ZNF292: variants seen among roughly 807,000 people sequenced by gnomAD.
ZNF292 encodes zinc finger protein 292.
A neutral mutation model predicts 217.9 loss-of-function variants in ZNF292; 26 were observed. The observed-to-expected ratio is 0.12, with a 90% confidence interval of 0.09 to 0.17. The LOEUF (loss-of-function observed/expected upper bound fraction) is 0.17, where lower values mean the gene tolerates loss of function less well. ZNF292 is among the 10% of genes least tolerant of loss of function. The pLI, the probability that ZNF292 is intolerant of heterozygous loss-of-function variation, is 1.00. For missense variants in ZNF292, 2,904 were observed against 3,175.2 expected, an observed-to-expected ratio of 0.91 and a Z score of 2.05; for synonymous variants, 1,257 against 1,124.1, an observed-to-expected ratio of 1.12 and a Z score of -2.37.
At position 87,257,377 on chromosome 6, in the gene ZNF292, G is replaced by C; in HGVS notation, c.3748G>C (p.Val1250Leu). Residue 1250 changes from valine (V) to leucine (L), a missense_variant, in exon 8 of 8, where the codon GTT (valine) becomes CTT (leucine). Coordinates refer to ENST00000369577, the MANE Select transcript of ZNF292 (RefSeq NM_015021.3). ...PAQMEDLTKT[V>L]LPLNIDSGSD... is the part of the protein sequence containing the mutation. ...ACAAATGGAAGATCTAACCAAAACA[G>C]TTCTGCCTTTGAATATTGACAGTGG... 6.2e-7 allele frequency: 1 copy of C among 1,613,632 alleles called. No homozygotes were observed. The highest frequency in any genetic ancestry group is 8.5e-7 in the Non-Finnish European group (1 of 1,179,762).
intron 4 of ZNF292, among the ~76,000 whole-genome samples, chr6:87,231,076 T>C (rs1275159406): frequency 1.3e-5 from 2 of 152,112 alleles, no homozygotes; most frequent in Non-Finnish European, 2.9e-5. Flanking sequence ...TGTAACATTA[T>C]AAGGAAAAAC....
rs768829983 is a variant in ZNF292, at chr6:87,258,569, T to G, written c.4940T>G (p.Leu1647Trp). The change falls in exon 8 of 8, where the codon TTG becomes TGG. Residue 1647 changes from leucine to tryptophan, a missense_variant. Leu to Trp is a moderately conservative substitution (Grantham distance 61). Transcript: ENST00000369577. ...PLIAPNASQN[L>W]VTSDLTTMGL... ...ATTGCACCTAACGCTTCCCAAAACT[T>G]GGTAACAAGTGACTTAACAACAATG... 1 of 1,613,738 alleles carries G rather than the reference T, an allele frequency of 6.2e-7. No individual in the cohort carries two copies. The highest frequency in any genetic ancestry group is 1.1e-5 in the South Asian group (1 of 91,070).
intron 1 of ZNF292, among the ~76,000 whole-genome samples, chr6:87,212,324 G>A (rs1003148486): frequency 2.0e-5 from 3 of 152,116 alleles, no homozygotes; most frequent in African/African-American, 2.4e-5. Flanking sequence ...GTCTTGTGGA[G>A]TACATAGCCA....
intron 5 of ZNF292, among the ~76,000 whole-genome samples, chr6:87,237,260 G>C (rs1773947820): frequency 1.3e-5 from 2 of 151,692 alleles, no homozygotes. Flanking sequence ...TTGTTTTTTT[G>C]GAGACAGAGT....
rs370358424 is a variant in ZNF292, at chr6:87,171,757, A to C, written c.168+15998A>C. On this transcript the variant is annotated intron_variant, in intron 1 of 7. Transcript: ENST00000369577. ...GACTAGTTAACATTTCAAGGGCTGTATACTCACATGAATCTCAATTGTAAT... is the reference window on the plus strand; with the variant it reads ...GACTAGTTAACATTTCAAGGGCTGTCTACTCACATGAATCTCAATTGTAAT... Among the ~76,000 whole-genome samples, 9 of 152,318 alleles carry C rather than the reference A, an allele frequency of 5.9e-5. No homozygotes were observed. In the East Asian group the frequency reaches 1.4e-3, roughly 23 times the overall value.
intron 1 of ZNF292, among the ~76,000 whole-genome samples, chr6:87,181,888 T>C (rs1475049241): frequency 2.6e-5 from 4 of 152,166 alleles, no homozygotes; most frequent in African/African-American, 9.7e-5. Context: ...TTCGCCATGT[T>C]GGCCCGGCTG....
intron 1 of ZNF292, chr6:87,170,262 C>G (rs1200990707): frequency 6.6e-6 from 1 of 152,088 alleles, no homozygotes; most frequent in Non-Finnish European, 1.5e-5. Flanking sequence ...TTTGTATAAT[C>G]TTATTTTAAG....
At chr6:87,251,340 A>AT (rs1774910264) in intron 7 of ZNF292, among the ~76,000 whole-genome samples, 1 of 152,216 alleles carries the variant, frequency 6.6e-6, no homozygotes, top group African/African-American at 2.4e-5. Context: ...GAAGAACTGA[A>AT]TGGGATGTTA....
Position 87,198,087 on chromosome 6 carries a change from G to GA in ZNF292, c.169-17812dup. ...TTCTATAAATTTGATAAGTTGGAGA[G>GA]AAAATTCAGATAGCTAGAGATCTGT... On this transcript the variant is annotated intron_variant, in intron 1 of 7. Coordinates refer to ENST00000369577, the MANE Select transcript of ZNF292 (RefSeq NM_015021.3). Among the ~76,000 whole-genome samples the GA allele has an allele frequency of 2.0e-5, 3 of 152,268 alleles. No homozygotes were observed. The South Asian group carries it at 6.2e-4, about 32-fold the overall frequency.
At chr6:87,197,459 G>T (rs1771983454) in intron 1 of ZNF292, among the ~76,000 whole-genome samples, 1 of 149,948 alleles carries the variant, frequency 6.7e-6, no homozygotes, top group Non-Finnish European at 1.5e-5. Context: ...GTAAGGCTGG[G>T]CACAGTAGCT....
intron 1 of ZNF292, among the ~76,000 whole-genome samples, chr6:87,189,073 C>T (rs58735749): frequency 0.082 from 12,414 of 151,796 alleles, 862 homozygotes; most frequent in African/African-American, 0.19. Flanking sequence ...GATAAGGTGG[C>T]GAGCGCCTGT....
At chr6:87,192,365 T>C (rs1247836847) in intron 1 of ZNF292, among the ~76,000 whole-genome samples, 4 of 143,136 alleles carry the variant, frequency 2.8e-5, no homozygotes, top group Non-Finnish European at 6.1e-5. Context: ...GTGAGGGTGG[T>C]TTTTTTTTTT....
chr6:87,218,184 G>T (rs1178017049), intron 3 of ZNF292, among the ~76,000 whole-genome samples: 5 of 152,038 alleles, frequency 3.3e-5, no homozygotes. Flanking sequence ...CCTTTTATTG[G>T]AATATGCATA....
rs148916667 is a variant in ZNF292, at chr6:87,167,700, T to G, written c.168+11941T>G. Among the ~76,000 whole-genome samples, 143 of 152,340 alleles carry G rather than the reference T, an allele frequency of 9.4e-4. 1 individual carries two copies. The highest frequency in any genetic ancestry group is 3.4e-3 in the African/African-American group (142 of 41,574). ...TAATGACAACCTTGCTGTTTGTACA[T>G]TTAGTTTTCCTGTAATACTTTTGAA... On this transcript the variant is annotated intron_variant, in intron 1 of 7. Transcript: ENST00000369577.
intron 1 of ZNF292, among the ~76,000 whole-genome samples, chr6:87,215,539 CAG>C (rs1370789509): frequency 6.6e-6 from 1 of 152,058 alleles, no homozygotes; most frequent in Admixed American, 6.6e-5. Flanking sequence ...AAATAGAAAA[CAG>C]ATATTATTTC....
At chr6:87,236,538 A>G (rs1773914634) in intron 5 of ZNF292, among the ~76,000 whole-genome samples, 1 of 152,104 alleles carries the variant, frequency 6.6e-6, no homozygotes, top group Admixed American at 6.5e-5. Flanking sequence ...GTAAAAAATT[A>G]AGTTAGCAGT....
intron 1 of ZNF292, among the ~76,000 whole-genome samples, chr6:87,213,432 G>A (rs1417306797): frequency 6.6e-6 from 1 of 152,190 alleles, no homozygotes; most frequent in Admixed American, 6.5e-5. Flanking sequence ...TGTTCCTGAC[G>A]CAGGTATCCC....
chr6:87,254,406 G>A (rs1405714827), intron 7 of ZNF292, among the ~76,000 whole-genome samples: 2 of 152,152 alleles, frequency 1.3e-5, no homozygotes, highest in Non-Finnish European at 2.9e-5. Context: ...AGTTTGCCTA[G>A]CCATTAAATA....
intron 1 of ZNF292, among the ~76,000 whole-genome samples, chr6:87,206,689 T>C (rs1429853392): frequency 2.0e-5 from 3 of 152,242 alleles, no homozygotes; most frequent in African/African-American, 7.2e-5. Context: ...TTTTCTCTTT[T>C]TAAATGCAGC....
Sources: gnomAD v4.1 joint callset for allele counts (sites outside exome capture counted in the v4.1 genomes callset) on GRCh38, gnomAD v4.1.1 for gene constraint, MANE v1.5 for transcripts, NCBI Gene and HGNC (gene_info 2026-07-23, HGNC 2026-07-21) for gene names.